The following EEIG2 variants were observed in gnomAD, a reference collection of about 807,000 sequenced individuals.
The protein encoded by EEIG2 is EEIG family member 2.
chr1:108,604,290 A>G, the EEIG2 span, among the ~76,000 whole-genome samples: 6 of 152,242 alleles, frequency 3.9e-5, no homozygotes, highest in Non-Finnish European at 1.5e-5. Flanking sequence ...AAGGAGAGAC[A>G]TCATCTTCTG....
chr1:108,560,652 G>T, the EEIG2 span: 1 of 1,475,404 alleles, frequency 6.8e-7, no homozygotes, highest in African/African-American at 1.4e-5. Context: ...CCATTTGCTC[G>T]CCTTTCCCTA....
the EEIG2 span, chr1:108,628,104 G>C: frequency 4.6e-5 from 64 of 1,380,388 alleles, no homozygotes; most frequent in Non-Finnish European, 6.3e-5. Context: ...CTGCAGAGTA[G>C]AATACAAATT....
At chr1:108,614,465 C>T in the EEIG2 span, among the ~76,000 whole-genome samples, 11 of 152,158 alleles carry the variant, frequency 7.2e-5, no homozygotes, top group South Asian at 4.2e-4. Flanking sequence ...TTTTTCTCCT[C>T]GTATCCCAAC....
the EEIG2 span, among the ~76,000 whole-genome samples, chr1:108,592,410 G>T: frequency 6.6e-6 from 1 of 152,230 alleles, no homozygotes; most frequent in Non-Finnish European, 1.5e-5. Context: ...TGCACATCAT[G>T]AGGTAATTAA....
chr1:108,619,662 G>A, the EEIG2 span, among the ~76,000 whole-genome samples: 2 of 152,172 alleles, frequency 1.3e-5, no homozygotes, highest in African/African-American at 4.8e-5. Context: ...CAAGGCAGGT[G>A]GGTCACTTGA....
the EEIG2 span, among the ~76,000 whole-genome samples, chr1:108,570,363 A>G: frequency 4.6e-5 from 7 of 152,176 alleles, no homozygotes; most frequent in African/African-American, 1.7e-4. Context: ...CAAGGAGCCT[A>G]GACTTGGTTC....
chr1:108,598,326 C>A, the EEIG2 span, among the ~76,000 whole-genome samples: 1 of 93,986 alleles, frequency 1.1e-5, no homozygotes, highest in African/African-American at 4.4e-5. Context: ...AGAGCAAGAC[C>A]CTGTATCCAA....
At chr1:108,628,767 A>G in the EEIG2 span, 1 of 1,613,338 alleles carries the variant, frequency 6.2e-7, no homozygotes, top group South Asian at 1.1e-5. Context: ...AGAAAATATT[A>G]CAAAGTCAAG....
chr1:108,622,706 C>T, the EEIG2 span, among the ~76,000 whole-genome samples: 2 of 152,102 alleles, frequency 1.3e-5, no homozygotes, highest in Admixed American at 1.3e-4. Context: ...TTAGGAGATC[C>T]TAGGCTGGAA....
chr1:108,598,334 CAAAA>C, the EEIG2 span, among the ~76,000 whole-genome samples: 30 of 91,864 alleles, frequency 3.3e-4, no homozygotes, highest in African/African-American at 8.3e-4. Context: ...ACCCTGTATC[CAAAA>C]AAAAAAAAAA....
chr1:108,615,863 C>T, the EEIG2 span, among the ~76,000 whole-genome samples: 3 of 151,802 alleles, frequency 2.0e-5, no homozygotes, highest in African/African-American at 4.8e-5. Context: ...TCTTAGAAGC[C>T]ACCAGCTGGC....
the EEIG2 span, among the ~76,000 whole-genome samples, chr1:108,618,746 A>T: frequency 6.6e-6 from 1 of 151,362 alleles, no homozygotes; most frequent in Admixed American, 6.6e-5. Context: ...GGCTAAGGGG[A>T]GGATTGCTTG....
the EEIG2 span, chr1:108,624,530 A>G: frequency 4.5e-6 from 3 of 673,328 alleles, no homozygotes; most frequent in Non-Finnish European, 7.4e-6. Flanking sequence ...TTTCACTCTC[A>G]AAGGGGTAAC....
chr1:108,587,256 CTG>C, the EEIG2 span, among the ~76,000 whole-genome samples: 5 of 152,210 alleles, frequency 3.3e-5, no homozygotes, highest in South Asian at 4.1e-4. Flanking sequence ...TTTGAATAGA[CTG>C]TTTTTTAGAG....
At chr1:108,560,680 A>G in the EEIG2 span, 9 of 1,263,506 alleles carry the variant, frequency 7.1e-6, no homozygotes, top group Admixed American at 5.4e-5. Context: ...CTCTAAAATC[A>G]GTCGAATTTA....
the EEIG2 span, among the ~76,000 whole-genome samples, chr1:108,585,236 A>G: frequency 1.3e-5 from 2 of 152,184 alleles, no homozygotes; most frequent in South Asian, 2.1e-4. Flanking sequence ...TAGTAAGTCA[A>G]AATGAATTCA....
At chr1:108,597,534 G>C in the EEIG2 span, among the ~76,000 whole-genome samples, 1 of 152,174 alleles carries the variant, frequency 6.6e-6, no homozygotes, top group Non-Finnish European at 1.5e-5. Context: ...AACAGTTTTT[G>C]ATCAATCCTC....
chr1:108,590,308 C>T, the EEIG2 span, among the ~76,000 whole-genome samples: 1 of 151,972 alleles, frequency 6.6e-6, no homozygotes, highest in African/African-American at 2.4e-5. Flanking sequence ...CCTCTGTTCC[C>T]ACAGGTTTCT....
At chr1:108,612,645 T>A in the EEIG2 span, among the ~76,000 whole-genome samples, 1 of 152,232 alleles carries the variant, frequency 6.6e-6, no homozygotes, top group African/African-American at 2.4e-5. Flanking sequence ...GCAGCTGCGA[T>A]AGGTACATAG....
Sources: allele counts gnomAD v4.1 joint callset (sites outside exome capture counted in the v4.1 genomes callset), GRCh38; gene constraint gnomAD v4.1.1; transcripts MANE v1.5; gene names NCBI Gene and HGNC (gene_info 2026-07-23, HGNC 2026-07-21).